AGRN: variants seen among roughly 807,000 people sequenced by gnomAD.
AGRN encodes the protein agrin, also known as agrin proteoglycan.
AGRN carries 106 observed loss-of-function variants against 211.0 expected under a neutral mutation model. The observed-to-expected ratio is 0.50, with a 90% confidence interval of 0.43 to 0.59. The LOEUF (loss-of-function observed/expected upper bound fraction) is 0.59. AGRN is among the 20% of genes least tolerant of loss of function. The pLI, the probability that AGRN is intolerant of heterozygous loss-of-function variation, is 0.00. For synonymous variants in AGRN, 1,525 were observed against 1,332.5 expected, an observed-to-expected ratio of 1.14 and a Z score of -3.15; for missense variants, 3,040 against 2,982.6, an observed-to-expected ratio of 1.02 and a Z score of -0.45.
At chr1:1,035,498 C>T (rs151122070) in intron 3 of AGRN, among the ~76,000 whole-genome samples, 174 bp downstream of exon 3, 24 of 152,260 alleles carry the variant, frequency 1.6e-4, no homozygotes, top group Non-Finnish European at 2.2e-4. Flanking sequence ...AGTAGGAACT[C>T]GGGGTCTAGA....
chr1:1,041,330 G>C lies in AGRN; in HGVS notation c.885G>C (p.Glu295Asp), dbSNP rs765834882. 1.3e-6 allele frequency: 2 copies of C among 1,528,374 alleles called. No individual in the cohort carries two copies. The highest frequency in any genetic ancestry group is 8.7e-7 in the Non-Finnish European group (1 of 1,144,404). The allele number at this position is 1,528,374 out of a possible 1,614,324, so 94.7% of individuals were successfully genotyped here. The change falls in exon 5 of 36, where the codon GAG becomes GAC. Residue 295 changes from glutamate (E) to aspartate (D), a missense_variant. By Grantham distance (45) the Glu-to-Asp change is conservative. Coordinates refer to ENST00000379370, the MANE Select transcript of AGRN (RefSeq NM_198576.4). Reference protein sequence around the residue: ...CGSDGADYPGECQLLRRACAR... With the variant: ...CGSDGADYPGDCQLLRRACAR... ...GCGACGGCGCCGACTACCCCGGCGAGTGCCAGCTCCTGCGCCGCGCCTGCG... is the reference window on the plus strand; with the variant it reads ...GCGACGGCGCCGACTACCCCGGCGACTGCCAGCTCCTGCGCCGCGCCTGCG...
chr1:1,053,587 CTCCA>C, intron 33 of AGRN, 162 bp from the exon 34 acceptor site: 1 of 1,508,468 alleles, frequency 6.6e-7, no homozygotes, highest in African/African-American at 1.4e-5. Context: ...CTGCCCCTGT[CTCCA>C]TCCCTCTTCT....
rs1431462442 is a variant in AGRN, at chr1:1,041,411, C to G, written c.952+14C>G. On this transcript the variant is annotated intron_variant, in intron 5 of 35. Coordinates refer to ENST00000379370, the MANE Select transcript of AGRN (RefSeq NM_198576.4). ...ACGGCCCTTGTGGTGAGCGCGGCGG[C>G]GGGCGCACGGCTCGAGCTCTGTGGG... The G allele has an allele frequency of 8.4e-6, 13 of 1,542,708 alleles. No individual in the cohort carries two copies. In the South Asian group the frequency reaches 1.2e-4, roughly 14 times the overall value.
chr1:1,020,156 C>G lies in AGRN; in HGVS notation c.-17C>G. The G allele has an allele frequency of 1.6e-6, 2 of 1,279,670 alleles. No individual in the cohort carries two copies. Among genetic ancestry groups the G allele is most frequent in the Non-Finnish European group, 2.0e-6 (2 of 1,002,160 alleles). 79.3% of individuals were successfully genotyped at this position (1,279,670 alleles called of 1,614,324 possible). The stretch of plus-strand genomic sequence containing the variant: ...CGGCGCGGCCCGCGCGCTCCTCCGC[C>G]GCCTCTCGCCTGCGCCATGGCCGGC... On this transcript the variant is annotated 5_prime_UTR_variant, in exon 1 of 36. Coordinates refer to ENST00000379370, the MANE Select transcript of AGRN (RefSeq NM_198576.4).
At chr1:1,049,506 G>T in intron 25 of AGRN, 55 bp downstream of exon 25, 1 of 1,596,192 alleles carries the variant, frequency 6.3e-7, no homozygotes. Flanking sequence ...GGGTCCCGGT[G>T]TACGAGGTGG....
chr1:1,023,646 G>C (rs4452985), intron 2 of AGRN, among the ~76,000 whole-genome samples: 1 of 152,286 alleles, frequency 6.6e-6, no homozygotes, highest in South Asian at 2.1e-4. Flanking sequence ...CAGGAGAGGG[G>C]GTCACTAACC....
rs370983524 is a variant in AGRN at position 1,044,003 on chromosome 1, G to T, written c.1979G>T (p.Arg660Leu). Residue 660 changes from arginine (R) to leucine (L), a missense_variant, in exon 10 of 36, where the codon CGG (arginine) becomes CTG (leucine). Physicochemically the swap from Arg to Leu is moderately radical, Grantham distance 102. This residue lies in a region of AGRN where 1,498 missense variants were observed against 1,457.8 expected (regional missense o/e 1.03). Transcript: ENST00000379370. ...CLQQTQIEEA[R>L]AGPCEQAECG... ...CAGCAGACACAGATCGAGGAGGCCC[G>T]GGCAGGGCCGTGCGAGCAGGGTAGG... The T allele has an allele frequency of 1.9e-5, 31 of 1,607,516 alleles. No homozygotes were observed. Among genetic ancestry groups the T allele is most frequent in the Non-Finnish European group, 2.5e-5 (30 of 1,179,042 alleles).
At chr1:1,024,769 CCT>C (rs557044084) in intron 2 of AGRN, among the ~76,000 whole-genome samples, 1 of 152,106 alleles carries the variant, frequency 6.6e-6, no homozygotes, top group Non-Finnish European at 1.5e-5. Context: ...AGTCAACAAC[CCT>C]CAGAAAGGCT....
intron 3 of AGRN, among the ~76,000 whole-genome samples, chr1:1,038,863 A>G (rs1644861020): frequency 6.6e-6 from 1 of 152,182 alleles, no homozygotes; most frequent in Non-Finnish European, 1.5e-5. Flanking sequence ...GGGAGAGAGA[A>G]GGGGAACCAG....
At chr1:1,034,111 G>C (rs1392140441) in intron 2 of AGRN, 1 of 985,056 alleles carries the variant, frequency 1.0e-6, no homozygotes, top group Admixed American at 6.2e-5. Context: ...CTGCCTGCCC[G>C]CTCCTATCGC....
At position 1,045,481 on chromosome 1, in the gene AGRN, A is replaced by G. The variant is rs574793544; in HGVS notation, c.2494A>G (p.Asn832Asp). The G allele has an allele frequency of 7.4e-6, 12 of 1,612,904 alleles. No individual in the cohort carries two copies. Among genetic ancestry groups the G allele is most frequent in the African/African-American group, 6.7e-5 (5 of 75,002 alleles). The change falls in exon 14 of 36, where the codon AAC becomes GAC. Residue 832 changes from asparagine to aspartate, a missense_variant. Transcript: ENST00000379370. Reference sequence around the variant, plus strand: ...TGACCGCTGTGAGCCTGGCTTCTGGAACTTTCGAGGCATCGTCACCGATGG... The same window carrying G: ...TGACCGCTGTGAGCCTGGCTTCTGGGACTTTCGAGGCATCGTCACCGATGG... ...RCDRCEPGFW[N>D]FRGIVTDGRS...
Position 1,046,405 on chromosome 1 carries a change from G to A in AGRN, c.2920G>A (p.Ala974Thr). ...QSLGPCQEAV[A>T]PSTHPTSASV... Reference sequence around the variant, plus strand: ...CCTCCCTCTCCTTGCAGAGGCTGTTGCTCCCAGCACTCACCCGACATCTGC... The same window carrying A: ...CCTCCCTCTCCTTGCAGAGGCTGTTACTCCCAGCACTCACCCGACATCTGC... The change falls in exon 18 of 36, where the codon GCT (alanine) becomes ACT (threonine). Residue 974 changes from alanine (A) to threonine (T), a missense_variant. Coordinates refer to ENST00000379370, the MANE Select transcript of AGRN (RefSeq NM_198576.4). 1.2e-6 allele frequency: 2 copies of A among 1,611,752 alleles called. No individual in the cohort carries two copies. The highest frequency in any genetic ancestry group is 1.7e-6 in the Non-Finnish European group (2 of 1,179,642).
intron 2 of AGRN, among the ~76,000 whole-genome samples, chr1:1,023,775 G>A (rs3845291): frequency 0.44 from 67,582 of 151,908 alleles, 17,103 homozygotes; most frequent in East Asian, 0.72. Flanking sequence ...GCATCTTACC[G>A]AAGCCGCTCT....
intron 14 of AGRN, 99 bp from the exon 15 acceptor site, chr1:1,045,633 TG>T: frequency 6.2e-7 from 1 of 1,607,068 alleles, no homozygotes; most frequent in Admixed American, 1.7e-5. Flanking sequence ...CACACCTGGC[TG>T]GGGGCTGGGC....
rs1645126522 is a variant in AGRN, at chr1:1,047,315, C to T, written c.3389-12C>T. The T allele has an allele frequency of 4.4e-6, 7 of 1,593,630 alleles. No homozygotes were observed. Among genetic ancestry groups the T allele is most frequent in the Non-Finnish European group, 5.1e-6 (6 of 1,170,860 alleles). On this transcript the variant is annotated splice_polypyrimidine_tract_variant and intron_variant, in intron 19 of 35. Transcript: ENST00000379370. ...AGATGCCAGGCAGGGCCTCACTGTA[C>T]CTCCCCCACAGCCACCAAGGTGTTC...
intron 34 of AGRN, 55 bp from the exon 35 acceptor site, chr1:1,054,393 G>C (rs1645395561): frequency 1.4e-6 from 2 of 1,456,782 alleles, no homozygotes; most frequent in African/African-American, 1.4e-5. Context: ...TTATGGTCTA[G>C]AGGAGGCAGA....
rs199853845 is a variant in AGRN at position 1,047,485 on chromosome 1, A to G, written c.3516+31A>G. ...ACGGGGGCGCAGCCCCCACCTACCC[A>G]CTGGCCTTCCTCCCCAGATACCCAG... On this transcript the variant is annotated intron_variant, in intron 20 of 35. Transcript: ENST00000379370. 7.6e-4 allele frequency: 1,224 copies of G among 1,612,710 alleles called. 8 individuals carry two copies. The African/African-American group carries it at 1.0e-2, about 13-fold the overall frequency.
rs558350510 is a variant in AGRN at position 1,029,461 on chromosome 1, G to A, written c.464-5816G>A. ...AGGTAGGGGGAGGGGGACATCCCGT[G>A]TCTATGAGGGCAGGTGGAGGGAGAG... On this transcript the variant is annotated intron_variant, in intron 2 of 35. Transcript: ENST00000379370. 8.6e-5 allele frequency among the ~76,000 whole-genome samples: 13 copies of A among 151,632 alleles called. No homozygotes were observed. The East Asian group carries it at 2.3e-3, about 27-fold the overall frequency.
rs983125209 is a variant in AGRN, at chr1:1,031,940, C to A, written c.464-3337C>A. Among the ~76,000 whole-genome samples, 1 of 152,244 alleles carries A rather than the reference C, an allele frequency of 6.6e-6. No homozygotes were observed. Among genetic ancestry groups the A allele is most frequent in the Non-Finnish European group, 1.5e-5 (1 of 68,040 alleles). On this transcript the variant is annotated intron_variant, in intron 2 of 35. Transcript: ENST00000379370. This position sits in a 1 kb window ranked among gnomAD's most constrained non-coding sequence, Gnocchi z 4.8. ...TGCATGTGAACCACCTGCCTCTGCA[C>A]ACAGCAAGTCCTGTTCTGGGTTTTC...
Sources: gnomAD v4.1 joint callset for allele counts (sites outside exome capture counted in the v4.1 genomes callset) on GRCh38, gnomAD v4.1.1 for gene constraint, gnomAD v4.1.1 regional missense constraint, Gnocchi (gnomAD v3.1) non-coding constraint, MANE v1.5 for transcripts, NCBI Gene and HGNC (gene_info 2026-07-23, HGNC 2026-07-21) for gene names.